The following UBAC2 variants were observed in gnomAD, a reference collection of about 807,000 sequenced individuals.
UBAC2 encodes the protein ubiquitin-associated domain-containing protein 2.
A neutral mutation model predicts 44.0 loss-of-function variants in UBAC2; 26 were observed. The observed-to-expected ratio is 0.59, with a 90% CI of 0.43 to 0.82. The LOEUF (loss-of-function observed/expected upper bound fraction) is 0.82. UBAC2 is among the 40% of genes least tolerant of loss of function. UBAC2 has a pLI of 0.00. For missense variants in UBAC2, 329 were observed against 419.4 expected (o/e 0.78, Z 1.88); for synonymous variants, 155 against 154.3 (o/e 1.00, Z -0.04).
At chr13:99,273,602 G>A (rs2043845575) in intron 4 of UBAC2, among the ~76,000 whole-genome samples, 1 of 152,072 alleles carries the variant, frequency 6.6e-6, no homozygotes, top group Non-Finnish European at 1.5e-5. Flanking sequence ...TTGCAGTGTG[G>A]CTGTTGATGA....
intron 7 of UBAC2, chr13:99,351,817 C>G: frequency 2.2e-6 from 1 of 455,832 alleles, no homozygotes; most frequent in Non-Finnish European, 4.4e-6. Flanking sequence ...CTTCTTTTAA[C>G]TGCCTCCTCA....
chr13:99,221,451 G>A (rs2043051280), intron 1 of UBAC2, among the ~76,000 whole-genome samples: 1 of 152,208 alleles, frequency 6.6e-6, no homozygotes, highest in African/African-American at 2.4e-5. Context: ...GTAGTCAGTT[G>A]TGTTTGTAGT....
intron 1 of UBAC2, among the ~76,000 whole-genome samples, chr13:99,229,739 G>A (rs534988157): frequency 2.6e-4 from 40 of 152,278 alleles, no homozygotes; most frequent in African/African-American, 9.1e-4. Flanking sequence ...AAAAATCTTC[G>A]TTGAAAGAAT....
intron 4 of UBAC2, chr13:99,294,720 T>C (rs2044141915): frequency 5.5e-6 from 1 of 180,794 alleles, no homozygotes; most frequent in African/African-American, 2.4e-5. Flanking sequence ...CAATATATAA[T>C]CTATTCAGTC....
intron 4 of UBAC2, among the ~76,000 whole-genome samples, chr13:99,310,843 A>ACAGAAGTTATAACATCACTATT (rs2044401746): frequency 6.6e-6 from 1 of 152,228 alleles, no homozygotes; most frequent in Non-Finnish European, 1.5e-5. Context: ...TTATTACTAA[A>ACAGAAGTTATAACATCACTATT]TGTAAACAGA....
intron 2 of UBAC2, among the ~76,000 whole-genome samples, chr13:99,242,584 G>A (rs2043321510): frequency 1.5e-5 from 2 of 132,752 alleles, no homozygotes; most frequent in Non-Finnish European, 3.3e-5. Context: ...GGGCGGCCGG[G>A]CAGAGGCGCC....
At chr13:99,373,362 A>C (rs909967469) in intron 8 of UBAC2, among the ~76,000 whole-genome samples, 5 of 152,172 alleles carry the variant, frequency 3.3e-5, no homozygotes, top group African/African-American at 1.2e-4. Context: ...CAGACAAGAA[A>C]GTTAAATAAG....
In UBAC2 at chr13:99,272,803, A is replaced by G. The variant is rs1442395587; in HGVS notation, c.389+28179A>G. On this transcript the variant is annotated intron_variant, in intron 4 of 8. Coordinates refer to ENST00000403766, the MANE Select transcript of UBAC2 (RefSeq NM_001144072.2). Reference sequence around the variant, plus strand: ...CACCACATTGGGGGCTAGTGCTTCAACATATGAATTTAGGGGTGGGGGGAG... The same window carrying G: ...CACCACATTGGGGGCTAGTGCTTCAGCATATGAATTTAGGGGTGGGGGGAG... Among the ~76,000 whole-genome samples, 4 of 152,196 alleles carry G rather than the reference A, an allele frequency of 2.6e-5. No homozygotes were observed. The South Asian group carries it at 8.3e-4, about 32-fold the overall frequency.
At chr13:99,325,603 A>G (rs2044631023) in intron 6 of UBAC2, among the ~76,000 whole-genome samples, 1 of 152,110 alleles carries the variant, frequency 6.6e-6, no homozygotes, top group Non-Finnish European at 1.5e-5. Context: ...ATAATTGTTG[A>G]CTATAGGTAT....
chr13:99,297,207 G>A (rs1482837204), intron 4 of UBAC2, among the ~76,000 whole-genome samples: 2 of 152,130 alleles, frequency 1.3e-5, no homozygotes, highest in African/African-American at 4.8e-5. Context: ...ATAAAGTTCT[G>A]TAGATGAGGG....
intron 1 of UBAC2, 170 bp downstream of exon 1, chr13:99,201,109 C>A: frequency 7.4e-7 from 1 of 1,351,206 alleles, no homozygotes; most frequent in Non-Finnish European, 9.6e-7. Context: ...CAGCGGAAAC[C>A]GCCCCCATTT....
intron 4 of UBAC2, among the ~76,000 whole-genome samples, chr13:99,300,079 A>G (rs2044236251): frequency 6.6e-6 from 1 of 152,218 alleles, no homozygotes; most frequent in East Asian, 1.9e-4. Context: ...CACATGCGCA[A>G]CATTGCCCAG....
intron 4 of UBAC2, among the ~76,000 whole-genome samples, chr13:99,304,355 C>T (rs1003649369): frequency 6.6e-6 from 1 of 152,154 alleles, no homozygotes; most frequent in Non-Finnish European, 1.5e-5. Context: ...GTTCTCCATC[C>T]TCTGAAAGGC....
chr13:99,232,397 G>GATATATATATATAT (rs768838568), intron 1 of UBAC2, among the ~76,000 whole-genome samples: 2,688 of 81,968 alleles, frequency 0.033, 165 homozygotes, highest in Non-Finnish European at 0.058. Flanking sequence ...CCTTAGTTGA[G>GATATATATATATAT]AGATATAGAT....
At chr13:99,206,996 T>A (rs2042880255) in intron 1 of UBAC2, among the ~76,000 whole-genome samples, 1 of 152,246 alleles carries the variant, frequency 6.6e-6, no homozygotes, top group Admixed American at 6.5e-5. Flanking sequence ...CCTCCACCGA[T>A]TCTGAACTCT....
intron 4 of UBAC2, among the ~76,000 whole-genome samples, chr13:99,270,084 A>G (rs7990495): frequency 0.091 from 13,892 of 152,258 alleles, 685 homozygotes; most frequent in East Asian, 0.13. Flanking sequence ...TGGTATAGCA[A>G]TTGTGAAACT....
intron 4 of UBAC2, chr13:99,312,844 A>C (rs2044429954): frequency 6.5e-6 from 1 of 153,442 alleles, no homozygotes; most frequent in African/African-American, 2.4e-5. Flanking sequence ...AGAGGAGGAC[A>C]GTGGTGGCAG....
chr13:99,314,265 T>C (rs1198183472), intron 5 of UBAC2, 45 bp downstream of exon 5: 57 of 1,371,690 alleles, frequency 4.2e-5, no homozygotes, highest in Non-Finnish European at 5.3e-5. Context: ...ACCAGATCTT[T>C]TTTTTTTTTT....
intron 3 of UBAC2, among the ~76,000 whole-genome samples, 159 bp from the exon 4 acceptor site, chr13:99,244,353 AAAC>A (rs1237761881): frequency 9.2e-5 from 14 of 152,232 alleles, no homozygotes; most frequent in Admixed American, 5.2e-4. Context: ...ATTTTAATAA[AAAC>A]AAATAATTTC....
Sources: allele counts gnomAD v4.1 joint callset (sites outside exome capture counted in the v4.1 genomes callset), GRCh38; gene constraint gnomAD v4.1.1; transcripts MANE v1.5; gene names NCBI Gene and HGNC (gene_info 2026-07-23, HGNC 2026-07-21).